The following RSPH1 variants were observed in gnomAD, a reference collection of about 807,000 sequenced individuals.
RSPH1 encodes radial spoke head component 1.
In RSPH1, 32 loss-of-function variants were observed where a neutral mutation model predicts 44.2. That is an observed-to-expected ratio of 0.72 (90% confidence interval 0.55 to 0.97). The LOEUF (loss-of-function observed/expected upper bound fraction) is 0.97, where lower values mean the gene tolerates loss of function less well. RSPH1 is among the 50% of genes least tolerant of loss of function. The pLI is 0.00. For synonymous variants in RSPH1, 134 were observed against 147.3 expected (o/e 0.91, Z 0.65); for missense variants, 391 against 398.7 (o/e 0.98, Z 0.16).
chr21:42,489,008 G>GTTGA (rs2054208444), intron 3 of RSPH1, among the ~76,000 whole-genome samples: 2 of 152,022 alleles, frequency 1.3e-5, no homozygotes, highest in Non-Finnish European at 2.9e-5. Flanking sequence ...TGGTTGGTTG[G>GTTGA]TTGGTTGATT....
intron 2 of RSPH1, 33 bp downstream of exon 2, chr21:42,492,933 A>C: frequency 1.2e-6 from 2 of 1,601,702 alleles, no homozygotes; most frequent in South Asian, 2.2e-5. Flanking sequence ...TATTAAATAG[A>C]GAAAACCATC....
intron 1 of RSPH1, 56 bp downstream of exon 1, chr21:42,496,077 G>A: frequency 6.2e-7 from 1 of 1,603,584 alleles, no homozygotes; most frequent in Non-Finnish European, 8.5e-7. Context: ...ACCCAACCTC[G>A]AGGTTCCCCC....
chr21:42,491,625 G>A lies in RSPH1; in HGVS notation c.274+1133C>T, dbSNP rs115150920. The stretch of plus-strand genomic sequence containing the variant: ...GCTTCTTATAGAGCAAGCCTTCTGG[G>A]ATTTATGAAACAAAACAAAACAATT... On this transcript the variant is annotated intron_variant, in intron 3 of 8. Transcript: ENST00000291536. Among the ~76,000 whole-genome samples, 1,223 of 152,242 alleles carry A rather than the reference G, an allele frequency of 8.0e-3. 21 individuals are homozygous for A. Among genetic ancestry groups the A allele is most frequent in the African/African-American group, 0.026 (1,082 of 41,528 alleles).
chr21:42,477,817 G>C (rs545669732), intron 6 of RSPH1, among the ~76,000 whole-genome samples: 1 of 152,076 alleles, frequency 6.6e-6, no homozygotes, highest in Non-Finnish European at 1.5e-5. Flanking sequence ...TCAATTGTTC[G>C]GCCACATTTT....
chr21:42,474,638 C>T lies in RSPH1; in HGVS notation c.877+1260G>A, dbSNP rs1401936821. On this transcript the variant is annotated intron_variant, in intron 8 of 8. Transcript: ENST00000291536. The surrounding 1 kb of genome is among the most constrained non-coding windows in gnomAD (Gnocchi z 5.2). ...CAGAATCCTGTGGACTCCCTACCTA[C>T]CAGGGCTCACTCTATCCACCCTCCC... 6.6e-6 allele frequency among the ~76,000 whole-genome samples: 1 copy of T among 152,236 alleles called. No homozygotes were observed. The highest frequency in any genetic ancestry group is 6.5e-5 in the Admixed American group (1 of 15,288).
rs2054078510 is a variant in RSPH1, at chr21:42,477,370, T to C, written c.648A>G (p.Glu216=). ...GGAGAGTTGGTGTCCACAGGGCCAATTCAGTGATTTGGGTAGCTTTCCATT... is the reference window on the plus strand; with the variant it reads ...GGAGAGTTGGTGTCCACAGGGCCAACTCAGTGATTTGGGTAGCTTTCCATT... ...VPKWKATQIT[E]LALWTPTLPK... is the part of the protein sequence containing the mutation. Residue 216 remains glutamate, a synonymous_variant, in exon 7 of 9, where the codon GAA becomes GAG. Transcript: ENST00000291536. 2 of 1,610,528 alleles carry C rather than the reference T, an allele frequency of 1.2e-6. No homozygotes were observed. Among genetic ancestry groups the C allele is most frequent in the Non-Finnish European group, 1.7e-6 (2 of 1,178,626 alleles).
chr21:42,488,832 G>A (rs2054206131), intron 3 of RSPH1, among the ~76,000 whole-genome samples: 1 of 152,316 alleles, frequency 6.6e-6, no homozygotes, highest in African/African-American at 2.4e-5. Flanking sequence ...CTTTTTTGAG[G>A]TGAGTGACAT....
In RSPH1 at chr21:42,483,978, T is replaced by A. The variant is rs1030743968; in HGVS notation, c.502-1270A>T. 2.1e-5 allele frequency among the ~76,000 whole-genome samples: 3 copies of A among 145,992 alleles called. No homozygotes were observed. In the South Asian group the frequency reaches 6.6e-4, roughly 32 times the overall value. On this transcript the variant is annotated intron_variant, in intron 5 of 8. Transcript: ENST00000291536. ...TGGGAACTGTCTCTGGACTTCCTAA[T>A]TTGCTTCATTGGTGTGTGTGTGTGT...
At chr21:42,479,726 TACACACACACACACACAC>T (rs141751119) in intron 6 of RSPH1, among the ~76,000 whole-genome samples, 3 of 145,236 alleles carry the variant, frequency 2.1e-5, no homozygotes, top group African/African-American at 5.1e-5. Flanking sequence ...TGTAGGAGGT[TACACACACACACACACAC>T]ACACACACAC....
At chr21:42,483,756 C>T (rs1305802828) in intron 5 of RSPH1, among the ~76,000 whole-genome samples, 2 of 151,984 alleles carry the variant, frequency 1.3e-5, no homozygotes, top group Non-Finnish European at 2.9e-5. Flanking sequence ...TAATATTCAT[C>T]TACATTTTTT....
intron 6 of RSPH1, among the ~76,000 whole-genome samples, chr21:42,479,298 CA>C (rs1277342916): frequency 6.6e-6 from 1 of 152,166 alleles, no homozygotes; most frequent in Non-Finnish European, 1.5e-5. Flanking sequence ...AGGCCTTCCA[CA>C]AAGCCCTCAG....
intron 6 of RSPH1, among the ~76,000 whole-genome samples, chr21:42,480,273 G>A (rs534890914): frequency 6.6e-6 from 1 of 152,294 alleles, no homozygotes; most frequent in East Asian, 1.9e-4. Flanking sequence ...GGGAGGTTAA[G>A]GGATAAAGAT....
intron 8 of RSPH1, 133 bp from the exon 9 acceptor site, chr21:42,473,003 T>A (rs1014640910): frequency 1.0e-4 from 64 of 637,286 alleles, no homozygotes; most frequent in South Asian, 2.0e-5. Flanking sequence ...AAAAATTGAA[T>A]GTTAAATTTT....
At chr21:42,472,918 T>C in intron 8 of RSPH1, 48 bp from the exon 9 acceptor site, 2 of 1,393,312 alleles carry the variant, frequency 1.4e-6, no homozygotes, top group Non-Finnish European at 2.0e-6. Flanking sequence ...TACTTTGTTC[T>C]ATTTTTAAAG....
chr21:42,477,043 G>A lies in RSPH1; in HGVS notation c.727+248C>T, dbSNP rs375715603. Among the ~76,000 whole-genome samples the A allele has an allele frequency of 9.1e-3, 405 of 44,544 alleles. 36 individuals carry two copies. The highest frequency in any genetic ancestry group is 0.023 in the South Asian group (27 of 1,180). The allele number at this position is 44,544 out of a possible 152,430, so 29.2% of individuals were successfully genotyped here. On this transcript the variant is annotated intron_variant, in intron 7 of 8. Transcript: ENST00000291536. The stretch of plus-strand genomic sequence containing the variant: ...ACACCCTCTGTCCCACAGCCCGGGG[G>A]TGCCCCACACCCTCTGCCCCCTCCA...
chr21:42,476,193 C>T, intron 7 of RSPH1, 146 bp from the exon 8 acceptor site: 1 of 769,208 alleles, frequency 1.3e-6, no homozygotes, highest in South Asian at 1.8e-5. Flanking sequence ...TCAACATCCA[C>T]CCAGCCCAGC....
chr21:42,477,039 G>A (rs1285656365), intron 7 of RSPH1, among the ~76,000 whole-genome samples: 2 of 27,282 alleles, frequency 7.3e-5, no homozygotes, highest in African/African-American at 1.2e-4. Context: ...CCCACAGCCC[G>A]GGGGTGCCCC....
Position 42,496,193 on chromosome 21 carries a change from G to A in RSPH1, c.-7C>T. ...CCGAGCCCAGGTCCGACATGGTCTCGCCCCAGCCTGGATCACAGCCGCAGC... is the reference window on the plus strand; with the variant it reads ...CCGAGCCCAGGTCCGACATGGTCTCACCCCAGCCTGGATCACAGCCGCAGC... On this transcript the variant is annotated 5_prime_UTR_variant, in exon 1 of 9. Coordinates refer to ENST00000291536, the MANE Select transcript of RSPH1 (RefSeq NM_080860.4). 1 of 1,614,040 alleles carries A rather than the reference G, an allele frequency of 6.2e-7. No homozygotes were observed. Among genetic ancestry groups the A allele is most frequent in the Non-Finnish European group, 8.5e-7 (1 of 1,179,942 alleles).
At chr21:42,482,186 C>A (rs547435931) in intron 6 of RSPH1, among the ~76,000 whole-genome samples, 1 of 152,322 alleles carries the variant, frequency 6.6e-6, no homozygotes, top group East Asian at 1.9e-4. Context: ...CAGGTTTAAG[C>A]GATTCTCCTG....
Sources: allele counts gnomAD v4.1 joint callset (sites outside exome capture counted in the v4.1 genomes callset), GRCh38; gene constraint gnomAD v4.1.1; non-coding constraint Gnocchi (gnomAD v3.1); transcripts MANE v1.5; gene names NCBI Gene and HGNC (gene_info 2026-07-23, HGNC 2026-07-21).